Variants in LRCH2 observed in about 807,000 individuals in gnomAD.
LRCH2 encodes leucine rich repeats and calponin homology domain containing 2, also known as leucine-rich repeat and calponin homology domain-containing protein 2.
A neutral mutation model predicts 68.9 loss-of-function variants in LRCH2; 38 were observed. The ratio of observed to expected loss-of-function variants is 0.55; its 90% CI spans 0.43 to 0.72. LRCH2 has a LOEUF of 0.72. Ranked by LOEUF, LRCH2 falls within the 30% of genes least tolerant of loss-of-function variation. The probability of loss-of-function intolerance (pLI) is 0.00; values close to 1 mark genes in which losing one functional copy is unlikely to be tolerated. For missense variants in LRCH2, 528 were observed against 572.9 expected (o/e 0.92, Z 0.80); for synonymous variants, 191 against 208.1 (o/e 0.92, Z 0.71).
chrX:115,131,619 C>T (rs1345727271), intron 14 of LRCH2, among the ~76,000 whole-genome samples: 1 of 111,376 alleles, frequency 9.0e-6, no homozygotes, highest in African/African-American at 3.3e-5. Context: ...GGGTATATAC[C>T]CAGTAATGGG....
chrX:115,139,288 T>C (rs1254590254), intron 14 of LRCH2, among the ~76,000 whole-genome samples: 1 of 112,026 alleles, frequency 8.9e-6, no homozygotes, highest in Non-Finnish European at 1.9e-5. Flanking sequence ...GGTTAACCTT[T>C]AAATAAAAAT....
chrX:115,128,416 T>C (rs2147350804), intron 15 of LRCH2, among the ~76,000 whole-genome samples: 1 of 112,038 alleles, frequency 8.9e-6, no homozygotes, highest in Non-Finnish European at 1.9e-5. Flanking sequence ...ATACCTATGA[T>C]AAAGTTTAAT....
chrX:115,229,162 A>C (rs942132381), intron 1 of LRCH2, among the ~76,000 whole-genome samples: 6 of 111,925 alleles, frequency 5.4e-5, no homozygotes, highest in Admixed American at 4.8e-4. Context: ...ATAACCTACG[A>C]AGTTAAATAA....
chrX:115,174,477 G>C (rs1556549144), intron 5 of LRCH2, among the ~76,000 whole-genome samples: 1 of 106,789 alleles, frequency 9.4e-6, no homozygotes, highest in Admixed American at 1.0e-4. Flanking sequence ...TTATCTTTCT[G>C]TGTCAGGCTT....
chrX:115,118,867 C>CT (rs2072108768), intron 20 of LRCH2, among the ~76,000 whole-genome samples: 1 of 110,557 alleles, frequency 9.0e-6, no homozygotes, highest in Admixed American at 9.7e-5. Context: ...GTTCAATATA[C>CT]GCAAATCAAT....
intron 1 of LRCH2, among the ~76,000 whole-genome samples, chrX:115,193,333 G>A (rs2072860755): frequency 9.0e-6 from 1 of 111,643 alleles, no homozygotes; most frequent in South Asian, 3.7e-4. Flanking sequence ...CTGATCTTCA[G>A]GACTTCACCT....
intron 12 of LRCH2, among the ~76,000 whole-genome samples, chrX:115,154,380 A>C (rs1327983299): frequency 8.9e-6 from 1 of 112,108 alleles, no homozygotes; most frequent in African/African-American, 3.2e-5. Context: ...TGAAGATTTA[A>C]ACAATACTAT....
At position 115,192,102 on chromosome X, in the gene LRCH2, C is replaced by G. The variant is rs781868243; in HGVS notation, c.350-3732G>C. On this transcript the variant is annotated intron_variant, in intron 1 of 20. Transcript: ENST00000317135. Reference sequence around the variant, plus strand: ...ATGCCCACAGCGGGGACCACTACACCGAAGCCTACAGCAGGGGCCGCGACA... The same window carrying G: ...ATGCCCACAGCGGGGACCACTACACGGAAGCCTACAGCAGGGGCCGCGACA... The G allele has an allele frequency of 3.4e-6, 4 of 1,165,571 alleles. No homozygotes were observed. The African/African-American group carries it at 5.4e-5, about 16-fold the overall frequency.
At chrX:115,132,910 T>C (rs1178154116) in intron 14 of LRCH2, among the ~76,000 whole-genome samples, 4 of 112,017 alleles carry the variant, frequency 3.6e-5, no homozygotes, top group Non-Finnish European at 3.8e-5. Context: ...AATTTAATAG[T>C]TATGAGCAGA....
intron 2 of LRCH2, among the ~76,000 whole-genome samples, chrX:115,186,541 C>A (rs1002844871): frequency 1.4e-4 from 16 of 110,872 alleles, no homozygotes; most frequent in African/African-American, 5.3e-4. Flanking sequence ...AAAAAAAGAT[C>A]AAAGTTGACT....
Position 115,205,895 on chromosome X carries a change from G to A in LRCH2, c.350-17525C>T, listed in dbSNP as rs782323022. 5.1e-3 allele frequency among the ~76,000 whole-genome samples: 559 copies of A among 110,008 alleles called. 1 individual carries two copies. Among genetic ancestry groups the A allele is most frequent in the Non-Finnish European group, 7.9e-3 (415 of 52,786 alleles). On this transcript the variant is annotated intron_variant, in intron 1 of 20. Transcript: ENST00000317135. ...GGAGGTTGCAGTGAGCCGAGATCACGCCATTGCACTTCAGCCTGGGCAAAA... is the reference window on the plus strand; with the variant it reads ...GGAGGTTGCAGTGAGCCGAGATCACACCATTGCACTTCAGCCTGGGCAAAA...
chrX:115,190,742 G>GCGGGGGCCGCTCCACTGATGCCCA (rs2072795018), intron 1 of LRCH2: 1 of 1,069,031 alleles, frequency 9.4e-7, no homozygotes, highest in African/African-American at 2.1e-5. Context: ...CACGAGGCCC[G>GCGGGGGCCGCTCCACTGATGCCCA]CAGCGGGGGC....
chrX:115,220,244 T>C (rs113280167), intron 1 of LRCH2, among the ~76,000 whole-genome samples: 5,936 of 111,971 alleles, frequency 0.053, 398 homozygotes, highest in African/African-American at 0.18. Context: ...AAATAAGTTA[T>C]GGTGCATCCA....
chrX:115,176,850 G>A (rs1406283949), intron 5 of LRCH2, among the ~76,000 whole-genome samples: 6 of 105,885 alleles, frequency 5.7e-5, no homozygotes, highest in Non-Finnish European at 1.2e-4. Context: ...AGGATCAAGC[G>A]ATTCTCGTGC....
chrX:115,162,657 A>AT (rs1310402461), intron 11 of LRCH2, among the ~76,000 whole-genome samples: 1 of 111,728 alleles, frequency 9.0e-6, no homozygotes, highest in Non-Finnish European at 1.9e-5. Context: ...TATTATATAG[A>AT]TTGCCCCTAA....
In LRCH2 at chrX:115,122,944, G is replaced by A. The variant is rs200218275; in HGVS notation, c.1963-47C>T. The stretch of plus-strand genomic sequence containing the variant: ...TCAGATACTCTATCTAAACATACAT[G>A]TTAAATGTTTATATTACTAATTGTT... On this transcript the variant is annotated intron_variant, in intron 18 of 20. Transcript: ENST00000317135. 318 of 1,114,907 alleles carry A rather than the reference G, an allele frequency of 2.9e-4. 2 individuals are homozygous for A. The South Asian group carries it at 4.1e-3, about 14-fold the overall frequency. The allele number at this position is 1,114,907 out of a possible 1,213,427, so 91.9% of individuals were successfully genotyped here.
intron 1 of LRCH2, chrX:115,190,421 G>A (rs1556557184): frequency 8.6e-7 from 1 of 1,164,862 alleles, no homozygotes; most frequent in African/African-American, 1.8e-5. Context: ...GGAGGAGGAT[G>A]CCGCTACGAG....
chrX:115,233,987 C>T lies in LRCH2; in HGVS notation c.55G>A (p.Gly19Ser). The change falls in exon 1 of 21, where the codon GGT becomes AGT. Residue 19 changes from glycine to serine, a missense_variant. By Grantham distance (56) the Gly-to-Ser change is moderately conservative (BLOSUM62 0). Transcript: ENST00000317135. ...GNSGGGGCGG[G>S]GSSGGCGTAG... ...GTGCCACAGCCACCGCTACTTCCACCTCCACCACAACCGCCGCCCCCACTG... is the reference window on the plus strand; with the variant it reads ...GTGCCACAGCCACCGCTACTTCCACTTCCACCACAACCGCCGCCCCCACTG... 1 of 1,166,908 alleles carries T rather than the reference C, an allele frequency of 8.6e-7. No individual in the cohort carries two copies. Among genetic ancestry groups the T allele is most frequent in the Non-Finnish European group, 1.1e-6 (1 of 872,691 alleles).
chrX:115,215,559 C>T (rs55693743), intron 1 of LRCH2, among the ~76,000 whole-genome samples: 11,464 of 108,729 alleles, frequency 0.11, 604 homozygotes, highest in Non-Finnish European at 0.16. Context: ...CCACACTAGC[C>T]AACGTGATGA....
Sources: gnomAD v4.1 joint callset for allele counts (sites outside exome capture counted in the v4.1 genomes callset) on GRCh38, gnomAD v4.1.1 for gene constraint, MANE v1.5 for transcripts, NCBI Gene and HGNC (gene_info 2026-07-23, HGNC 2026-07-21) for gene names.